POU6F2: variants seen among roughly 807,000 people sequenced by gnomAD.
POU6F2 encodes the protein POU domain, class 6, transcription factor 2.
POU6F2 carries 31 observed loss-of-function variants against 71.3 expected under a neutral mutation model. The ratio of observed to expected loss-of-function variants is 0.43; its 90% CI spans 0.33 to 0.59. The LOEUF (loss-of-function observed/expected upper bound fraction) is 0.59, where lower values mean the gene tolerates loss of function less well. POU6F2 is among the 20% of genes least tolerant of loss of function. POU6F2 has a pLI of 0.04. For missense variants in POU6F2, 783 were observed against 856.8 expected (o/e 0.91, Z 1.07); for synonymous variants, 347 against 355.7 (o/e 0.98, Z 0.27).
chr7:39,368,066 ACAATGACCTC>A (rs1240986342), intron 5 of POU6F2, among the ~76,000 whole-genome samples: 1 of 152,204 alleles, frequency 6.6e-6, no homozygotes, highest in African/African-American at 2.4e-5. Flanking sequence ...TAATAACCCT[ACAATGACCTC>A]CAAGTTTAAG....
chr7:39,004,100 C>T (rs1788990298), intron 1 of POU6F2, among the ~76,000 whole-genome samples: 1 of 152,062 alleles, frequency 6.6e-6, no homozygotes, highest in Admixed American at 6.5e-5. Flanking sequence ...AACAATTCAT[C>T]TTGATGTTTT....
At chr7:39,242,381 CT>C (rs70977467) in intron 4 of POU6F2, among the ~76,000 whole-genome samples, 60,377 of 147,200 alleles carry the variant, frequency 0.41, 12,866 homozygotes, top group East Asian at 0.68. Context: ...TTTTGTTTTG[CT>C]TTTTTTTTTT....
At chr7:39,249,606 T>C (rs1157366680) in intron 4 of POU6F2, among the ~76,000 whole-genome samples, 1 of 152,198 alleles carries the variant, frequency 6.6e-6, no homozygotes, top group Non-Finnish European at 1.5e-5. Context: ...CCAGTTGCGG[T>C]GTGAAATATA....
chr7:39,032,015 A>G (rs1789954240), intron 1 of POU6F2, among the ~76,000 whole-genome samples: 1 of 152,220 alleles, frequency 6.6e-6, no homozygotes, highest in Non-Finnish European at 1.5e-5. Context: ...TGAATCAGGA[A>G]GGATGCTACT....
At chr7:39,046,946 G>T (rs956298135) in intron 1 of POU6F2, among the ~76,000 whole-genome samples, 2 of 151,834 alleles carry the variant, frequency 1.3e-5, no homozygotes, top group East Asian at 3.9e-4. Context: ...AGCACCATTT[G>T]TTAACAGACT....
At chr7:39,117,948 C>T (rs900092738) in intron 2 of POU6F2, among the ~76,000 whole-genome samples, 3 of 152,030 alleles carry the variant, frequency 2.0e-5, no homozygotes, top group Non-Finnish European at 4.4e-5. Flanking sequence ...AGAACTGGAC[C>T]CTCACTTGGA....
intron 2 of POU6F2, among the ~76,000 whole-genome samples, chr7:39,092,348 T>C (rs565924710): frequency 1.3e-5 from 2 of 152,344 alleles, no homozygotes; most frequent in East Asian, 3.9e-4. Context: ...CTTCCTGGGT[T>C]CTGTACTTAG....
rs776088454 is a variant in POU6F2 at position 39,183,903 on chromosome 7, A to AT, written c.278-20331dup. 2.0e-5 allele frequency among the ~76,000 whole-genome samples: 3 copies of AT among 152,338 alleles called. No homozygotes were observed. The South Asian group carries it at 6.2e-4, about 32-fold the overall frequency. Reference sequence around the variant, plus strand: ...ACACACTATGCAAATCTAGATTATTATATCATGCTCCAAGCCAAAGTACAA... The same window carrying AT: ...ACACACTATGCAAATCTAGATTATTATTATCATGCTCCAAGCCAAAGTACAA... On this transcript the variant is annotated intron_variant, in intron 2 of 9. Transcript: ENST00000518318.
chr7:39,160,312 A>G lies in POU6F2; in HGVS notation c.278-43923A>G, dbSNP rs1024688872. Among the ~76,000 whole-genome samples, 12 of 152,184 alleles carry G rather than the reference A, an allele frequency of 7.9e-5. No homozygotes were observed. In the East Asian group the frequency reaches 2.3e-3, roughly 29 times the overall value. On this transcript the variant is annotated intron_variant, in intron 2 of 9. Transcript: ENST00000518318. The stretch of plus-strand genomic sequence containing the variant: ...TCAGTAAACCAGTGGTGGAAGGCTT[A>G]TTTCAGAGCTCTGGTAGGAGCAGTT...
At chr7:39,149,110 G>A (rs1293504005) in intron 2 of POU6F2, among the ~76,000 whole-genome samples, 1 of 152,180 alleles carries the variant, frequency 6.6e-6, no homozygotes, top group African/African-American at 2.4e-5. Flanking sequence ...GGGGTTATCA[G>A]ACTTGCTGAG....
intron 2 of POU6F2, among the ~76,000 whole-genome samples, chr7:39,107,061 T>C (rs949186319): frequency 3.5e-4 from 53 of 151,526 alleles, no homozygotes; most frequent in Non-Finnish European, 6.8e-4. Context: ...TTTTCTTTTT[T>C]TTCAAACAAG....
At chr7:39,185,864 TGTA>T (rs1793528842) in intron 2 of POU6F2, among the ~76,000 whole-genome samples, 2 of 148,592 alleles carry the variant, frequency 1.3e-5, no homozygotes, top group African/African-American at 4.9e-5. Flanking sequence ...TGTGTATATA[TGTA>T]TATATGTATA....
intron 2 of POU6F2, among the ~76,000 whole-genome samples, chr7:39,111,277 T>C (rs1048868277): frequency 2.0e-5 from 3 of 152,200 alleles, no homozygotes; most frequent in African/African-American, 7.2e-5. Flanking sequence ...AGAAACATCA[T>C]GAAGGCATTT....
At chr7:39,198,774 A>T (rs1793834342) in intron 2 of POU6F2, among the ~76,000 whole-genome samples, 1 of 152,224 alleles carries the variant, frequency 6.6e-6, no homozygotes, top group South Asian at 2.1e-4. Flanking sequence ...AAAGTGGCAA[A>T]CAGTGGCAGT....
At chr7:39,199,190 G>A (rs1793844419) in intron 2 of POU6F2, among the ~76,000 whole-genome samples, 1 of 152,188 alleles carries the variant, frequency 6.6e-6, no homozygotes, top group Non-Finnish European at 1.5e-5. Flanking sequence ...CTGACACATG[G>A]GAGGAAGTGG....
chr7:39,020,588 A>G (rs1284083706), intron 1 of POU6F2, among the ~76,000 whole-genome samples: 6 of 152,090 alleles, frequency 3.9e-5, no homozygotes, highest in Non-Finnish European at 8.8e-5. Flanking sequence ...TGTAAGATAC[A>G]ATGTTTCCTC....
intron 2 of POU6F2, among the ~76,000 whole-genome samples, chr7:39,116,126 T>C (rs1791923242): frequency 6.6e-6 from 1 of 152,212 alleles, no homozygotes; most frequent in Non-Finnish European, 1.5e-5. Context: ...GGCTCACATC[T>C]GTAATTCCAG....
At chr7:39,145,569 A>C (rs111395477) in intron 2 of POU6F2, among the ~76,000 whole-genome samples, 2,162 of 152,346 alleles carry the variant, frequency 0.014, 53 homozygotes, top group African/African-American at 0.048. Flanking sequence ...TGACTCTTAA[A>C]GGGTTTTCCA....
At chr7:39,323,398 G>T (rs1351288272) in intron 4 of POU6F2, among the ~76,000 whole-genome samples, 3 of 152,156 alleles carry the variant, frequency 2.0e-5, no homozygotes, top group African/African-American at 7.2e-5. Flanking sequence ...TTTTATGGAG[G>T]CTCTCCTGAT....
Sources: gnomAD v4.1 joint callset for allele counts (sites outside exome capture counted in the v4.1 genomes callset) on GRCh38, gnomAD v4.1.1 for gene constraint, MANE v1.5 for transcripts, NCBI Gene and HGNC (gene_info 2026-07-23, HGNC 2026-07-21) for gene names.